RSRC1: variants seen among roughly 807,000 people sequenced by gnomAD.
RSRC1 encodes the protein arginine and serine rich coiled-coil 1, also known as serine/Arginine-related protein 53.
Under a neutral mutation model 49.1 loss-of-function variants are expected in RSRC1, and 39 were observed. The observed-to-expected ratio is 0.79, with a 90% CI of 0.61 to 1.04. The LOEUF (loss-of-function observed/expected upper bound fraction) is 1.04, where lower values mean the gene tolerates loss of function less well. Ranked by LOEUF, RSRC1 falls within the 50% of genes least tolerant of loss-of-function variation. The probability of loss-of-function intolerance (pLI) is 0.00; values close to 1 mark genes in which losing one functional copy is unlikely to be tolerated. For synonymous variants in RSRC1, 143 were observed against 130.8 expected, an observed-to-expected ratio of 1.09 and a Z score of -0.63; for missense variants, 388 against 402.4, an observed-to-expected ratio of 0.96 and a Z score of 0.31.
intron 3 of RSRC1, among the ~76,000 whole-genome samples, chr3:158,124,666 G>A (rs1715500997): frequency 6.6e-6 from 1 of 151,962 alleles, no homozygotes; most frequent in South Asian, 2.1e-4. Flanking sequence ...ATGTTTCTAG[G>A]AATTTATCCA....
intron 7 of RSRC1, among the ~76,000 whole-genome samples, chr3:158,510,782 T>C (rs975896107): frequency 2.6e-5 from 4 of 152,206 alleles, no homozygotes; most frequent in African/African-American, 9.6e-5. Context: ...GATTATTAAG[T>C]CTTCATATCT....
chr3:158,465,000 T>A (rs527950977), intron 7 of RSRC1, among the ~76,000 whole-genome samples: 1 of 152,254 alleles, frequency 6.6e-6, no homozygotes, highest in African/African-American at 2.4e-5. Flanking sequence ...ATCCTTTGCC[T>A]TCCTCTCTGG....
At chr3:158,377,539 C>T (rs1732441212) in intron 6 of RSRC1, among the ~76,000 whole-genome samples, 1 of 152,178 alleles carries the variant, frequency 6.6e-6, no homozygotes, top group African/African-American at 2.4e-5. Context: ...ATGTGATATA[C>T]TGACTCCCCC....
intron 6 of RSRC1, among the ~76,000 whole-genome samples, chr3:158,402,821 T>G (rs547797249): frequency 6.6e-6 from 1 of 152,026 alleles, no homozygotes; most frequent in East Asian, 1.9e-4. Context: ...TTCTCTGTTG[T>G]CCTCATTGGT....
chr3:158,138,435 C>T (rs972728221), intron 3 of RSRC1, among the ~76,000 whole-genome samples: 3 of 152,250 alleles, frequency 2.0e-5, no homozygotes, highest in South Asian at 2.1e-4. Context: ...ATTTATGCAG[C>T]GTGACGGAAA....
At chr3:158,288,825 C>A (rs1726735814) in intron 4 of RSRC1, among the ~76,000 whole-genome samples, 1 of 53,222 alleles carries the variant, frequency 1.9e-5, no homozygotes, top group Non-Finnish European at 3.9e-5. Flanking sequence ...AATACAGATG[C>A]ACGTTCCCCG....
intron 5 of RSRC1, among the ~76,000 whole-genome samples, chr3:158,330,821 G>A (rs754268315): frequency 2.0e-5 from 3 of 151,332 alleles, no homozygotes; most frequent in Non-Finnish European, 2.9e-5. Flanking sequence ...AGGCATGAGA[G>A]TTTTACATCT....
chr3:158,330,695 C>G (rs182295810), intron 5 of RSRC1, among the ~76,000 whole-genome samples: 1 of 152,202 alleles, frequency 6.6e-6, no homozygotes, highest in East Asian at 1.9e-4. Flanking sequence ...AATATTTTCT[C>G]TAGGTCCCCA....
intron 5 of RSRC1, among the ~76,000 whole-genome samples, chr3:158,322,607 T>C (rs549269808): frequency 6.6e-6 from 1 of 152,346 alleles, no homozygotes; most frequent in South Asian, 2.1e-4. Context: ...TTGGAGTTCA[T>C]TGGTCTTCAG....
chr3:158,499,876 C>T (rs1288530312), intron 7 of RSRC1, among the ~76,000 whole-genome samples: 1 of 152,144 alleles, frequency 6.6e-6, no homozygotes, highest in Non-Finnish European at 1.5e-5. Context: ...TGTCTGATTG[C>T]TCTGGCTATG....
chr3:158,295,895 C>A (rs1727207157), intron 4 of RSRC1, among the ~76,000 whole-genome samples: 1 of 151,990 alleles, frequency 6.6e-6, no homozygotes, highest in African/African-American at 2.4e-5. Flanking sequence ...TGACAGCAAA[C>A]CTACCCTGAA....
At chr3:158,195,238 C>T (rs1034517329) in intron 3 of RSRC1, among the ~76,000 whole-genome samples, 2 of 152,140 alleles carry the variant, frequency 1.3e-5, no homozygotes, top group African/African-American at 4.8e-5. Flanking sequence ...TTGCATTTCT[C>T]TGATGGCCAG....
chr3:158,168,021 C>G (rs1056429108), intron 3 of RSRC1, among the ~76,000 whole-genome samples: 1 of 151,570 alleles, frequency 6.6e-6, no homozygotes, highest in African/African-American at 2.4e-5. Context: ...GGGAGGGTAT[C>G]GTAGACCTGG....
chr3:158,219,672 G>A (rs760865714), intron 4 of RSRC1, among the ~76,000 whole-genome samples: 9 of 151,604 alleles, frequency 5.9e-5, no homozygotes, highest in Non-Finnish European at 1.2e-4. Flanking sequence ...CAACACTAAG[G>A]AGAATGGATT....
At chr3:158,250,703 A>G (rs1724159588) in intron 4 of RSRC1, among the ~76,000 whole-genome samples, 1 of 152,152 alleles carries the variant, frequency 6.6e-6, no homozygotes, top group Admixed American at 6.5e-5. Flanking sequence ...AGTTCCTTAT[A>G]TATTCTGGTT....
At chr3:158,489,363 T>C (rs1040318528) in intron 7 of RSRC1, among the ~76,000 whole-genome samples, 1 of 152,230 alleles carries the variant, frequency 6.6e-6, no homozygotes, top group Non-Finnish European at 1.5e-5. Context: ...CATGAGCATG[T>C]GCTGCTTCAT....
At chr3:158,414,706 A>G (rs187947226) in intron 6 of RSRC1, among the ~76,000 whole-genome samples, 270 of 152,056 alleles carry the variant, frequency 1.8e-3, no homozygotes, top group Non-Finnish European at 2.2e-3. Flanking sequence ...TGGGTGACAA[A>G]GTAAGACTCT....
chr3:158,426,055 G>A (rs568783242), intron 6 of RSRC1, among the ~76,000 whole-genome samples: 57 of 151,636 alleles, frequency 3.8e-4, no homozygotes, highest in Non-Finnish European at 7.4e-5. Flanking sequence ...AAATGATAGT[G>A]TTAAAAGAAT....
chr3:158,424,045 C>T (rs968591128), intron 6 of RSRC1, among the ~76,000 whole-genome samples: 2 of 151,526 alleles, frequency 1.3e-5, no homozygotes, highest in African/African-American at 2.4e-5. Context: ...TCCTCTTTTC[C>T]TAATTGAATA....
Sources: allele counts gnomAD v4.1 joint callset (sites outside exome capture counted in the v4.1 genomes callset), GRCh38; gene constraint gnomAD v4.1.1; transcripts MANE v1.5; gene names NCBI Gene and HGNC (gene_info 2026-07-23, HGNC 2026-07-21).